ZNF367: variants seen among roughly 807,000 people sequenced by gnomAD.
ZNF367 encodes the protein C2H2 zinc finger protein ZFF29.
A neutral mutation model predicts 31.8 loss-of-function variants in ZNF367; 11 were observed. The observed-to-expected ratio is 0.35, with a 90% confidence interval of 0.22 to 0.57. The LOEUF (loss-of-function observed/expected upper bound fraction) is 0.57. Ranked by LOEUF, ZNF367 falls within the 20% of genes least tolerant of loss-of-function variation. ZNF367 has a pLI of 0.85. For missense variants in ZNF367, 353 were observed against 484.1 expected (o/e 0.73, Z 2.54); for synonymous variants, 199 against 202.4 (o/e 0.98, Z 0.14).
intron 3 of ZNF367, 88 bp downstream of exon 3, chr9:96,394,735 C>A (rs1831510405): frequency 7.2e-6 from 9 of 1,250,688 alleles, no homozygotes; most frequent in Middle Eastern, 2.8e-4. Context: ...ATTAAAAAAT[C>A]TTTCCCCTCA....
Position 96,418,126 on chromosome 9 carries a change from T to A in ZNF367, c.-94A>T, listed in dbSNP as rs995699375. On this transcript the variant is annotated 5_prime_UTR_variant, in exon 1 of 5. Coordinates refer to ENST00000375256, the MANE Select transcript of ZNF367 (RefSeq NM_153695.4). Reference sequence around the variant, plus strand: ...GCTCTGCTCCGAGTCGCAGGCTCAGTCCTGCCGGCTCATGGCAGACTGACG... The same window carrying A: ...GCTCTGCTCCGAGTCGCAGGCTCAGACCTGCCGGCTCATGGCAGACTGACG... The A allele has an allele frequency of 7.8e-7, 1 of 1,276,218 alleles. No homozygotes were observed. The highest frequency in any genetic ancestry group is 4.2e-5 in the Admixed American group (1 of 23,790). 79.1% of individuals were successfully genotyped at this position (1,276,218 alleles called of 1,614,324 possible). A position where few individuals can be genotyped will look rare whatever the true frequency, so the allele number is the denominator to read the frequency against.
At chr9:96,391,468 G>C (rs1831471309) in intron 4 of ZNF367, among the ~76,000 whole-genome samples, 1 of 152,080 alleles carries the variant, frequency 6.6e-6, no homozygotes. Context: ...CTCATACAAA[G>C]GCACCTGTGT....
intron 1 of ZNF367, among the ~76,000 whole-genome samples, chr9:96,403,447 T>G (rs1831634438): frequency 6.6e-6 from 1 of 152,230 alleles, no homozygotes; most frequent in African/African-American, 2.4e-5. Flanking sequence ...ACAGCCACAA[T>G]GCAATCTCTA....
intron 4 of ZNF367, among the ~76,000 whole-genome samples, chr9:96,389,923 G>C (rs1831449736): frequency 8.5e-6 from 1 of 118,168 alleles, no homozygotes; most frequent in South Asian, 2.6e-4. Flanking sequence ...TTTTTTTTTG[G>C]AGACAGAGTT....
At chr9:96,406,082 A>G (rs1247263432) in intron 1 of ZNF367, among the ~76,000 whole-genome samples, 2 of 152,240 alleles carry the variant, frequency 1.3e-5, no homozygotes, top group Non-Finnish European at 2.9e-5. Context: ...AGTTTATGGG[A>G]ACTCTCTGTA....
chr9:96,393,788 G>A (rs71499947), intron 3 of ZNF367, among the ~76,000 whole-genome samples: 3,863 of 152,266 alleles, frequency 0.025, 72 homozygotes, highest in Middle Eastern at 0.054. Context: ...CTGAGATGGC[G>A]CCATTGCACT....
rs76169336 is a variant in ZNF367, at chr9:96,388,707, G to A, written c.831-248C>T. ...GATCTTCTACTCACTCTCAAATCAC[G>A]TTTTTGCCATTAAACTATCACCGCC... On this transcript the variant is annotated intron_variant, in intron 4 of 4. Transcript: ENST00000375256. Among the ~76,000 whole-genome samples, 6 of 152,246 alleles carry A rather than the reference G, an allele frequency of 3.9e-5. 1 individual carries two copies. In the East Asian group the frequency reaches 1.2e-3, roughly 29 times the overall value.
In ZNF367 at chr9:96,388,229, T is replaced by C. The variant is rs139260472; in HGVS notation, c.*8A>G. On this transcript the variant is annotated 3_prime_UTR_variant, in exon 5 of 5. Coordinates refer to ENST00000375256, the MANE Select transcript of ZNF367 (RefSeq NM_153695.4). ...TACTTTTGTACAGTGGAAGAGTCAGTGTCCAAGCTACTGTCGGAGTGGCGC... is the reference window on the plus strand; with the variant it reads ...TACTTTTGTACAGTGGAAGAGTCAGCGTCCAAGCTACTGTCGGAGTGGCGC... 2.4e-4 allele frequency: 392 copies of C among 1,607,202 alleles called. 2 individuals carry two copies. The East Asian group carries it at 8.1e-3, about 33-fold the overall frequency.
chr9:96,392,764 G>C (rs1831486856), intron 3 of ZNF367, among the ~76,000 whole-genome samples: 1 of 152,194 alleles, frequency 6.6e-6, no homozygotes, highest in Non-Finnish European at 1.5e-5. Context: ...AACACCATTG[G>C]AAAGTGATTT....
intron 2 of ZNF367, among the ~76,000 whole-genome samples, chr9:96,395,342 C>T (rs529976288): frequency 1.3e-4 from 20 of 152,296 alleles, no homozygotes; most frequent in African/African-American, 4.3e-4. Flanking sequence ...CTTGTTTCTC[C>T]CCCTGCACAG....
In ZNF367 at chr9:96,392,490, G is replaced by A. The variant is rs148158243; in HGVS notation, c.738C>T (p.His246=). 6.2e-7 allele frequency: 1 copy of A among 1,613,216 alleles called. No homozygotes were observed. Among genetic ancestry groups the A allele is most frequent in the African/African-American group, 1.3e-5 (1 of 74,912 alleles). The change falls in exon 4 of 5, where the codon CAC becomes CAT. Residue 246 remains histidine, a synonymous_variant. Transcript: ENST00000375256. ...FTHANRHCPK[H]PYARLKREEP... Reference sequence around the variant, plus strand: ...CCTCTCTCTTCAGCCTGGCGTAGGGGTGCTTCGGACAGTGGCGGTTTGCAT... The same window carrying A: ...CCTCTCTCTTCAGCCTGGCGTAGGGATGCTTCGGACAGTGGCGGTTTGCAT...
At position 96,417,976 on chromosome 9, in the gene ZNF367, G is replaced by GGGA; in HGVS notation, c.56_57insTCC (p.Pro19dup). The stretch of plus-strand genomic sequence containing the variant: ...TCGGGGAGTCGTGGCAGAAGATGAC[G>GGGA]GGCGGCGGCGGCGGCGGCGGGTTCT... On this transcript the variant is annotated inframe_insertion, in exon 1 of 5. Transcript: ENST00000375256. The surrounding 1 kb of genome is among the most constrained non-coding windows in gnomAD (Gnocchi z 5.0). 1 of 1,446,284 alleles carries GGGA rather than the reference G, an allele frequency of 6.9e-7. No individual in the cohort carries two copies. The highest frequency in any genetic ancestry group is 9.1e-7 in the Non-Finnish European group (1 of 1,104,142). The allele number at this position is 1,446,284 out of a possible 1,614,324, so 89.6% of individuals were successfully genotyped here. A position where few individuals can be genotyped will look rare whatever the true frequency, so the allele number is the denominator to read the frequency against.
chr9:96,388,413 G>T lies in ZNF367; in HGVS notation c.877C>A (p.Leu293Met), dbSNP rs1229499952. The change falls in exon 5 of 5, where the codon CTG (leucine) becomes ATG (methionine). Residue 293 changes from leucine (L) to methionine (M), a missense_variant. Leu to Met is a conservative substitution (Grantham distance 15). This residue lies in a region of ZNF367 where 101 missense variants were observed against 140.0 expected (regional missense o/e 0.72). Transcript: ENST00000375256. ...EQRTPTLKGK[L>M]VQKADQEQQD... Reference sequence around the variant, plus strand: ...TGCTCCTGATCAGCCTTCTGAACCAGCTTGCCTTTCAAAGTGGGGGTGCGC... The same window carrying T: ...TGCTCCTGATCAGCCTTCTGAACCATCTTGCCTTTCAAAGTGGGGGTGCGC... 6.2e-7 allele frequency: 1 copy of T among 1,614,010 alleles called. No individual in the cohort carries two copies. Among genetic ancestry groups the T allele is most frequent in the Admixed American group, 1.7e-5 (1 of 60,014 alleles).
chr9:96,407,464 A>G (rs1375149896), intron 1 of ZNF367: 1 of 1,356,980 alleles, frequency 7.4e-7, no homozygotes, highest in African/African-American at 1.4e-5. Context: ...GAAAATATAA[A>G]TGAAAAAAAG....
intron 4 of ZNF367, 132 bp downstream of exon 4, chr9:96,392,266 G>A (rs1449844144): frequency 7.5e-7 from 1 of 1,340,652 alleles, no homozygotes; most frequent in African/African-American, 1.4e-5. Flanking sequence ...GAAAATCAGG[G>A]GTCATTTCTA....
chr9:96,401,657 CAAA>C (rs35400858), intron 1 of ZNF367, among the ~76,000 whole-genome samples: 3 of 77,222 alleles, frequency 3.9e-5, no homozygotes, highest in Non-Finnish European at 5.0e-5. Flanking sequence ...AGCTCCGTCT[CAAA>C]AAAAAAAAAA....
chr9:96,390,434 A>G (rs1381427981), intron 4 of ZNF367, among the ~76,000 whole-genome samples: 1 of 152,198 alleles, frequency 6.6e-6, no homozygotes, highest in Non-Finnish European at 1.5e-5. Flanking sequence ...TTTGAATTCC[A>G]TAATAAAGGG....
At chr9:96,407,489 A>C in intron 1 of ZNF367, 1 of 1,298,804 alleles carries the variant, frequency 7.7e-7, no homozygotes. Context: ...TCAAAGATGC[A>C]TGAAAAGAAA....
At position 96,397,759 on chromosome 9, in the gene ZNF367, A is replaced by G. The variant is rs528995237; in HGVS notation, c.571+405T>C. ...ATAAGAAAATATAAAGCAACTAAAAAGTTAATTTATTACTCAATATCAAAT... is the reference window on the plus strand; with the variant it reads ...ATAAGAAAATATAAAGCAACTAAAAGGTTAATTTATTACTCAATATCAAAT... On this transcript the variant is annotated intron_variant, in intron 2 of 4. Coordinates refer to ENST00000375256, the MANE Select transcript of ZNF367 (RefSeq NM_153695.4). Among the ~76,000 whole-genome samples the G allele has an allele frequency of 3.9e-5, 6 of 152,274 alleles. No individual in the cohort carries two copies. The South Asian group carries it at 1.2e-3, about 32-fold the overall frequency.
Sources: allele counts gnomAD v4.1 joint callset (sites outside exome capture counted in the v4.1 genomes callset), GRCh38; gene constraint gnomAD v4.1.1; regional missense constraint gnomAD v4.1.1; non-coding constraint Gnocchi (gnomAD v3.1); transcripts MANE v1.5; gene names NCBI Gene and HGNC (gene_info 2026-07-23, HGNC 2026-07-21).